Variants in CD226 observed in about 807,000 individuals in gnomAD.
CD226 encodes CD226 antigen.
CD226 carries 24 observed loss-of-function variants against 34.9 expected under a neutral mutation model. That is an observed-to-expected ratio of 0.69 (90% CI 0.50 to 0.97). The LOEUF (loss-of-function observed/expected upper bound fraction) is 0.97. Ranked by LOEUF, CD226 falls within the 50% of genes least tolerant of loss-of-function variation. CD226 has a pLI of 0.00. For missense variants in CD226, 397 were observed against 412.7 expected (o/e 0.96, Z 0.33); for synonymous variants, 148 against 147.4 (o/e 1.00, Z -0.03).
upstream of CD226, among the ~76,000 whole-genome samples, chr18:69,958,947 G>C (rs2055916929): frequency 6.6e-6 from 1 of 152,064 alleles, no homozygotes; most frequent in Non-Finnish European, 1.5e-5. Flanking sequence ...TTTCTCTGTA[G>C]AGGTTTATCC....
At chr18:69,928,391 G>A (rs2145326449) in intron 2 of CD226, among the ~76,000 whole-genome samples, 1 of 152,222 alleles carries the variant, frequency 6.6e-6, no homozygotes, top group East Asian at 1.9e-4. Context: ...GATGTGGCCT[G>A]CCCTCATTCA....
In CD226 at chr18:69,854,856, C is replaced by T. The variant is rs1420774657; in HGVS notation, c.*9458G>A. ...CACCAACAGGGCTCCAGTATAGTAA[C>T]AGTGAATTGCAGAGGAAAGAGCTGA... On this transcript the variant is annotated 3_prime_UTR_variant, in exon 6 of 6. Coordinates refer to ENST00000582621, the MANE Select transcript of CD226 (RefSeq NM_001303618.2). The T allele has an allele frequency of 6.6e-6, 1 of 152,220 alleles. No homozygotes were observed. Among genetic ancestry groups the T allele is most frequent in the Non-Finnish European group, 1.5e-5 (1 of 68,088 alleles). 9.4% of individuals were successfully genotyped at this position (152,220 alleles called of 1,614,324 possible). A position where few individuals can be genotyped will look rare whatever the true frequency, so the allele number is the denominator to read the frequency against.
intron 3 of CD226, among the ~76,000 whole-genome samples, chr18:69,884,422 C>T (rs1984441378): frequency 6.6e-6 from 1 of 152,198 alleles, no homozygotes; most frequent in African/African-American, 2.4e-5. Context: ...GATTTCTCCT[C>T]CCTCCTTTCT....
rs139610378 is a variant in CD226, at chr18:69,898,301, C to T, written c.383-2256G>A. Among the ~76,000 whole-genome samples, 51 of 152,280 alleles carry T rather than the reference C, an allele frequency of 3.3e-4. 1 individual carries two copies. In the East Asian group the frequency reaches 8.7e-3, roughly 26 times the overall value. The stretch of plus-strand genomic sequence containing the variant: ...AATGCGTGTCCTCAGTGCTCACACG[C>T]ACAACTGTTTTGTGTTTTTCTTCTT... On this transcript the variant is annotated intron_variant, in intron 2 of 5. Coordinates refer to ENST00000582621, the MANE Select transcript of CD226 (RefSeq NM_001303618.2).
chr18:69,864,518 C>G, intron 5 of CD226, 79 bp from the exon 6 acceptor site: 5 of 1,402,420 alleles, frequency 3.6e-6, no homozygotes, highest in Non-Finnish European at 4.9e-6. Context: ...ACATACCTCT[C>G]ATAAATGCAG....
upstream of CD226, among the ~76,000 whole-genome samples, chr18:69,952,581 C>T (rs557156264): frequency 3.0e-4 from 45 of 152,282 alleles, no homozygotes; most frequent in African/African-American, 1.1e-3. Context: ...ATCCCTACCT[C>T]CGTGAAACAC....
rs2055795808 is a variant in CD226, at chr18:69,946,644, G to A, written c.382+90C>T. 4.7e-6 allele frequency: 4 copies of A among 848,416 alleles called. No individual in the cohort carries two copies. The East Asian group carries it at 7.3e-5, about 16-fold the overall frequency. The allele number at this position is 848,416 out of a possible 1,614,324, so 52.6% of individuals were successfully genotyped here. A position where few individuals can be genotyped will look rare whatever the true frequency, so the allele number is the denominator to read the frequency against. On this transcript the variant is annotated intron_variant, in intron 2 of 5. Transcript: ENST00000582621. ...GGAGAATGCCACAGAAATACGAGAA[G>A]ACATTCTATAGCTTCTACTTGGGCT...
Position 69,947,361 on chromosome 18 carries a change from C to G in CD226, c.46G>C (p.Ala16Pro). 1 of 1,555,190 alleles carries G rather than the reference C, an allele frequency of 6.4e-7. No individual in the cohort carries two copies. Among genetic ancestry groups the G allele is most frequent in the Non-Finnish European group, 8.8e-7 (1 of 1,137,556 alleles). ...LLLALLHVYRALCEEVLWHTS... is the reference protein window; with the variant it reads ...LLLALLHVYRPLCEEVLWHTS... Reference sequence around the variant, plus strand: ...ATGAAAATATAAAGATCATCTTTACCTCTGTATACATGAAGAAGAGCCAAA... The same window carrying G: ...ATGAAAATATAAAGATCATCTTTACGTCTGTATACATGAAGAAGAGCCAAA... Residue 16 changes from alanine to proline, a missense_variant and splice_region_variant, in exon 1 of 6, where the codon GCT (alanine) becomes CCT (proline). Coordinates refer to ENST00000582621, the MANE Select transcript of CD226 (RefSeq NM_001303618.2).
intron 2 of CD226, among the ~76,000 whole-genome samples, chr18:69,944,836 TAATA>T (rs1217917196): frequency 6.6e-6 from 1 of 152,234 alleles, no homozygotes; most frequent in African/African-American, 2.4e-5. Flanking sequence ...ACAGAGTCTT[TAATA>T]AATAAACATT....
chr18:69,929,379 T>C (rs555817592), intron 2 of CD226, among the ~76,000 whole-genome samples: 3 of 152,204 alleles, frequency 2.0e-5, no homozygotes, highest in Non-Finnish European at 4.4e-5. Flanking sequence ...GTCACTCTCA[T>C]GTGCTAGGTC....
At chr18:69,935,090 G>T (rs530346489) in intron 2 of CD226, among the ~76,000 whole-genome samples, 4 of 152,166 alleles carry the variant, frequency 2.6e-5, no homozygotes, top group African/African-American at 9.7e-5. Flanking sequence ...TTAACTCAAA[G>T]ATAAAGCCAC....
chr18:69,901,015 C>G (rs927539553), intron 2 of CD226, among the ~76,000 whole-genome samples: 6 of 152,122 alleles, frequency 3.9e-5, no homozygotes, highest in Admixed American at 2.6e-4. Flanking sequence ...GAAGTCATAG[C>G]CTTGTCAAAA....
chr18:69,896,216 C>G, intron 2 of CD226, 171 bp from the exon 3 acceptor site: 2 of 918,376 alleles, frequency 2.2e-6, no homozygotes, highest in South Asian at 1.0e-4. Flanking sequence ...GAGTCTTGCT[C>G]TGTCACCCAG....
chr18:69,953,999 C>CAAA (rs933349209), intron 1 of CD226, among the ~76,000 whole-genome samples: 1 of 73,722 alleles, frequency 1.4e-5, no homozygotes, highest in Non-Finnish European at 2.9e-5. Context: ...GACTCCGTTT[C>CAAA]AAAAAAAAAA....
At chr18:69,940,561 T>C (rs914067136) in intron 2 of CD226, among the ~76,000 whole-genome samples, 1 of 152,076 alleles carries the variant, frequency 6.6e-6, no homozygotes, top group African/African-American at 2.4e-5. Context: ...TTTTGGGAAA[T>C]GGAGTAAAGG....
chr18:69,892,930 AT>A (rs1984993333), intron 3 of CD226, among the ~76,000 whole-genome samples: 1 of 152,234 alleles, frequency 6.6e-6, no homozygotes, highest in African/African-American at 2.4e-5. Flanking sequence ...GGCAGTTGAA[AT>A]AAATTAAATC....
chr18:69,945,606 C>T (rs2055779470), intron 2 of CD226, among the ~76,000 whole-genome samples: 1 of 152,144 alleles, frequency 6.6e-6, no homozygotes, highest in South Asian at 2.1e-4. Context: ...GTAATCCTGG[C>T]ACTCTGGGAG....
chr18:69,896,583 T>A (rs575291685), intron 2 of CD226, among the ~76,000 whole-genome samples: 1 of 152,226 alleles, frequency 6.6e-6, no homozygotes, highest in South Asian at 2.1e-4. Flanking sequence ...TGTTCACACA[T>A]AGTTCCATAA....
At chr18:69,950,871 A>T (rs2055846948), upstream of CD226, among the ~76,000 whole-genome samples, 1 of 151,616 alleles carries the variant, frequency 6.6e-6, no homozygotes, top group Non-Finnish European at 1.5e-5. Flanking sequence ...CACTTTCCTC[A>T]CTCCTAGCAG....
Sources: allele counts gnomAD v4.1 joint callset (sites outside exome capture counted in the v4.1 genomes callset), GRCh38; gene constraint gnomAD v4.1.1; transcripts MANE v1.5; gene names NCBI Gene and HGNC (gene_info 2026-07-23, HGNC 2026-07-21).